XKR4: variants seen among roughly 807,000 people sequenced by gnomAD.
The protein encoded by XKR4 is XK related 4, also known as XK-related protein 4.
In XKR4, 12 loss-of-function variants were observed where a neutral mutation model predicts 53.9. That is an observed-to-expected ratio of 0.22 (90% confidence interval 0.14 to 0.36). The LOEUF (loss-of-function observed/expected upper bound fraction) is 0.36, where lower values mean the gene tolerates loss of function less well. Ranked by LOEUF, XKR4 falls within the 10% of genes least tolerant of loss-of-function variation. XKR4 has a pLI of 1.00. For synonymous variants in XKR4, 354 were observed against 362.4 expected (o/e 0.98, Z 0.26); for missense variants, 799 against 859.5 (o/e 0.93, Z 0.88).
intron 1 of XKR4, among the ~76,000 whole-genome samples, chr8:55,347,614 G>A (rs1173339668): frequency 6.6e-6 from 1 of 152,294 alleles, no homozygotes; most frequent in African/African-American, 2.4e-5. Context: ...ATATGGTAAG[G>A]AAAGCAAGTG....
chr8:55,277,195 A>G (rs948421435), intron 1 of XKR4, among the ~76,000 whole-genome samples: 6 of 152,208 alleles, frequency 3.9e-5, no homozygotes, highest in Non-Finnish European at 1.5e-5. Flanking sequence ...ACCCTGTTCA[A>G]TTATGTGCAT....
intron 1 of XKR4, among the ~76,000 whole-genome samples, chr8:55,254,000 G>A (rs569225756): frequency 3.6e-4 from 54 of 151,850 alleles, no homozygotes; most frequent in Non-Finnish European, 6.3e-4. Context: ...AATTATAGGC[G>A]CGAGCCACTG....
At chr8:55,462,093 G>C (rs1014048470) in intron 2 of XKR4, among the ~76,000 whole-genome samples, 1 of 152,148 alleles carries the variant, frequency 6.6e-6, no homozygotes, top group Non-Finnish European at 1.5e-5. Flanking sequence ...AGCAAGGCAG[G>C]TCAACATTCA....
intron 2 of XKR4, among the ~76,000 whole-genome samples, chr8:55,485,475 T>C (rs1432465054): frequency 6.6e-6 from 1 of 152,190 alleles, no homozygotes; most frequent in Non-Finnish European, 1.5e-5. Flanking sequence ...AATAAACATA[T>C]GGACTCTGAA....
At chr8:55,336,136 G>C (rs770295583) in intron 1 of XKR4, among the ~76,000 whole-genome samples, 1 of 150,774 alleles carries the variant, frequency 6.6e-6, no homozygotes, top group Non-Finnish European at 1.5e-5. Flanking sequence ...ATCTTAAATT[G>C]TAACTCCCAC....
intron 1 of XKR4, among the ~76,000 whole-genome samples, chr8:55,112,749 T>A (rs113803323): frequency 3.5e-4 from 53 of 151,830 alleles, no homozygotes; most frequent in Non-Finnish European, 6.3e-4. Context: ...AAGGAAAGGA[T>A]TTGTAAAGGC....
chr8:55,252,245 T>A (rs896845246), intron 1 of XKR4, among the ~76,000 whole-genome samples: 2 of 152,230 alleles, frequency 1.3e-5, no homozygotes, highest in Non-Finnish European at 2.9e-5. Flanking sequence ...AAAATTTGTC[T>A]ATGATGTCTT....
At chr8:55,145,279 T>C (rs1192176035) in intron 1 of XKR4, among the ~76,000 whole-genome samples, 1 of 152,192 alleles carries the variant, frequency 6.6e-6, no homozygotes, top group Non-Finnish European at 1.5e-5. Flanking sequence ...AGACATCTAC[T>C]CCATGTCCTT....
At chr8:55,173,781 G>A (rs1299213429) in intron 1 of XKR4, among the ~76,000 whole-genome samples, 13 of 152,154 alleles carry the variant, frequency 8.5e-5, no homozygotes, top group Admixed American at 7.2e-4. Context: ...CTTATCTCCA[G>A]CATCAAAGGA....
At position 55,336,887 on chromosome 8, in the gene XKR4, A is replaced by G. The variant is rs570898573; in HGVS notation, c.807-20791A>G. On this transcript the variant is annotated intron_variant, in intron 1 of 2. Coordinates refer to ENST00000327381, the MANE Select transcript of XKR4 (RefSeq NM_052898.2). ...AGTGGTGTGCATGCATCAGGCGCAC[A>G]CGAACCTTTATTCTATTATTAAACA... Among the ~76,000 whole-genome samples, 58 of 152,334 alleles carry G rather than the reference A, an allele frequency of 3.8e-4. 1 individual carries two copies. Among genetic ancestry groups the G allele is most frequent in the African/African-American group, 1.4e-3 (57 of 41,570 alleles).
chr8:55,471,824 G>A (rs1167991895), intron 2 of XKR4, among the ~76,000 whole-genome samples: 2 of 152,098 alleles, frequency 1.3e-5, no homozygotes, highest in East Asian at 3.9e-4. Flanking sequence ...TGATGTGCCA[G>A]CTCTCCCTTT....
intron 1 of XKR4, among the ~76,000 whole-genome samples, chr8:55,331,272 A>G (rs1803381314): frequency 6.6e-6 from 1 of 152,120 alleles, no homozygotes; most frequent in Non-Finnish European, 1.5e-5. Flanking sequence ...CAGTTTTTCT[A>G]CTGCCATTGA....
rs1817191874 is a variant in XKR4, at chr8:55,173,560, C to T, written c.806+70266C>T. On this transcript the variant is annotated intron_variant, in intron 1 of 2. Coordinates refer to ENST00000327381, the MANE Select transcript of XKR4 (RefSeq NM_052898.2). ...TTCCTCCAACACCTTTTCTGGTCTC[C>T]TTATGGAGGAGCTGATTTTTATTCT... Among the ~76,000 whole-genome samples the T allele has an allele frequency of 3.3e-5, 5 of 152,174 alleles. No individual in the cohort carries two copies. The South Asian group carries it at 8.3e-4, about 25-fold the overall frequency.
intron 1 of XKR4, among the ~76,000 whole-genome samples, chr8:55,263,781 C>T (rs1351578498): frequency 1.3e-5 from 2 of 152,208 alleles, no homozygotes; most frequent in Non-Finnish European, 2.9e-5. Context: ...GAATCAACGT[C>T]TTTTTGAATG....
intron 2 of XKR4, among the ~76,000 whole-genome samples, chr8:55,413,291 T>TGGCTCACTGCAACCTC (rs1237551874): frequency 1.3e-5 from 2 of 152,200 alleles, no homozygotes; most frequent in Non-Finnish European, 2.9e-5. Flanking sequence ...GGTGCAATCT[T>TGGCTCACTGCAACCTC]GGCTCACTGC....
intron 2 of XKR4, among the ~76,000 whole-genome samples, chr8:55,359,190 T>C (rs1361810117): frequency 1.3e-5 from 2 of 152,226 alleles, no homozygotes; most frequent in African/African-American, 2.4e-5. Context: ...CAGAAGGCCG[T>C]GTGAATTAGT....
chr8:55,132,837 G>T (rs1816577384), intron 1 of XKR4, among the ~76,000 whole-genome samples: 1 of 152,194 alleles, frequency 6.6e-6, no homozygotes, highest in African/African-American at 2.4e-5. Flanking sequence ...CGAGGCCCAG[G>T]ATCAGGTGAG....
intron 1 of XKR4, among the ~76,000 whole-genome samples, chr8:55,298,729 C>A (rs1406485095): frequency 6.6e-6 from 1 of 152,162 alleles, no homozygotes; most frequent in Non-Finnish European, 1.5e-5. Context: ...ACCATTTTCT[C>A]TTCTGTCTGT....
intron 1 of XKR4, among the ~76,000 whole-genome samples, chr8:55,332,087 G>T (rs7825437): frequency 5.9e-5 from 9 of 151,728 alleles, no homozygotes; most frequent in Non-Finnish European, 1.2e-4. Context: ...TCACCTTCTC[G>T]TTTCCTTTTG....
Sources: gnomAD v4.1 joint callset for allele counts (sites outside exome capture counted in the v4.1 genomes callset) on GRCh38, gnomAD v4.1.1 for gene constraint, MANE v1.5 for transcripts, NCBI Gene and HGNC (gene_info 2026-07-23, HGNC 2026-07-21) for gene names.